The following GDAP1 variants were observed in gnomAD, a reference collection of about 807,000 sequenced individuals.
The protein encoded by GDAP1 is ganglioside-induced differentiation-associated protein 1.
A neutral mutation model predicts 40.1 loss-of-function variants in GDAP1; 34 were observed. That is an observed-to-expected ratio of 0.85 (90% CI 0.64 to 1.13). The LOEUF (loss-of-function observed/expected upper bound fraction) is 1.13, where lower values mean the gene tolerates loss of function less well. GDAP1 is among the 50% of genes most tolerant of loss of function. The probability of loss-of-function intolerance (pLI) is 0.00; values close to 1 mark genes in which losing one functional copy is unlikely to be tolerated. For synonymous variants in GDAP1, 170 were observed against 157.4 expected (o/e 1.08, Z -0.60); for missense variants, 374 against 433.7 (o/e 0.86, Z 1.22).
chr8:74,382,060 T>C (rs12548680), intron 2 of GDAP1, among the ~76,000 whole-genome samples: 55,206 of 151,816 alleles, frequency 0.36, 10,485 homozygotes, highest in Middle Eastern at 0.46. Context: ...CTAGTATCCT[T>C]CAAAGATGAC....
chr8:74,421,740 C>T (rs1214625098), intron 2 of GDAP1, among the ~76,000 whole-genome samples: 2 of 152,148 alleles, frequency 1.3e-5, no homozygotes, highest in Admixed American at 6.6e-5. Context: ...TACAGCAGGG[C>T]GGTTGGTCCT....
chr8:74,383,681 C>T (rs569704052), intron 2 of GDAP1, among the ~76,000 whole-genome samples: 9 of 152,274 alleles, frequency 5.9e-5, no homozygotes, highest in African/African-American at 2.2e-4. Context: ...CATCCTCTGA[C>T]ATTAATGAGC....
At position 74,364,182 on chromosome 8, in the gene GDAP1, A is replaced by C. The variant is rs1470584902; in HGVS notation, c.892A>C (p.Asn298His). 2 of 1,614,030 alleles carry C rather than the reference A, an allele frequency of 1.2e-6. No individual in the cohort carries two copies. Among genetic ancestry groups the C allele is most frequent in the Non-Finnish European group, 1.7e-6 (2 of 1,179,998 alleles). The change falls in exon 6 of 6, where the codon AAT becomes CAT. Residue 298 changes from asparagine to histidine, a missense_variant. By Grantham distance (68) the Asn-to-His change is moderately conservative. Transcript: ENST00000220822. ...TFNKVLGHVN[N>H]ILISAVLPTA... The stretch of plus-strand genomic sequence containing the variant: ...TAACAAGGTTTTAGGACATGTCAAC[A>C]ATATATTAATCTCTGCAGTGCTGCC...
At chr8:74,427,118 C>CT (rs1324607332) in intron 2 of GDAP1, among the ~76,000 whole-genome samples, 1 of 152,174 alleles carries the variant, frequency 6.6e-6, no homozygotes, top group African/African-American at 2.4e-5. Flanking sequence ...GTACAAAAGG[C>CT]TTTTTCCTCC....
At chr8:74,433,630 G>A (rs1321790818) in intron 2 of GDAP1, among the ~76,000 whole-genome samples, 1 of 152,042 alleles carries the variant, frequency 6.6e-6, no homozygotes, top group African/African-American at 2.4e-5. Flanking sequence ...ATTGGGAATT[G>A]CCTATGGTTC....
chr8:74,471,039 T>TA (rs1347705603), intron 2 of GDAP1, among the ~76,000 whole-genome samples: 2 of 152,260 alleles, frequency 1.3e-5, no homozygotes. Context: ...TTTGGCTGCA[T>TA]AAATGTCTTC....
At chr8:74,384,519 T>C (rs1270316992) in intron 2 of GDAP1, among the ~76,000 whole-genome samples, 1 of 152,206 alleles carries the variant, frequency 6.6e-6, no homozygotes, top group Non-Finnish European at 1.5e-5. Flanking sequence ...ACATTCAGTC[T>C]CTTGTTTCTA....
intron 2 of GDAP1, among the ~76,000 whole-genome samples, chr8:74,424,594 T>C (rs1805924278): frequency 6.6e-6 from 1 of 152,200 alleles, no homozygotes; most frequent in Non-Finnish European, 1.5e-5. Flanking sequence ...ATGTAATATT[T>C]TGTAAAGGGG....
At chr8:74,477,671 C>G (rs1340593927) in intron 2 of GDAP1, among the ~76,000 whole-genome samples, 1 of 152,070 alleles carries the variant, frequency 6.6e-6, no homozygotes. Flanking sequence ...TGGAGGGGCC[C>G]AGGTACTCCC....
intron 2 of GDAP1, among the ~76,000 whole-genome samples, chr8:74,383,480 A>G (rs910991965): frequency 1.3e-5 from 2 of 152,208 alleles, no homozygotes; most frequent in African/African-American, 4.8e-5. Flanking sequence ...TGAGTAGTAG[A>G]ACTGATTTCA....
chr8:74,446,650 T>C (rs1056397849), intron 2 of GDAP1, among the ~76,000 whole-genome samples: 1 of 152,202 alleles, frequency 6.6e-6, no homozygotes, highest in Non-Finnish European at 1.5e-5. Flanking sequence ...AAGCTAGTGT[T>C]TATTGATCAA....
rs201247146 is a variant in GDAP1 at position 74,417,682 on chromosome 8, A to C, written c.165+66361A>C. Among the ~76,000 whole-genome samples the C allele has an allele frequency of 2.1e-5, 3 of 142,556 alleles. No homozygotes were observed. In the East Asian group the frequency reaches 6.3e-4, roughly 30 times the overall value. The allele number at this position is 142,556 out of a possible 152,430, so 93.5% of individuals were successfully genotyped here. A position where few individuals can be genotyped will look rare whatever the true frequency, so the allele number is the denominator to read the frequency against. ...CAAGGCAGGAGAATTGCTTCAACCC[A>C]GGAGGCGGAGGTTGCAGTGAGCTGA... On this transcript the variant is annotated intron_variant, in intron 2 of 2. Coordinates refer to the GDAP1 transcript ENST00000523640.
chr8:74,383,342 G>A (rs1470416008), intron 2 of GDAP1, among the ~76,000 whole-genome samples: 2 of 152,162 alleles, frequency 1.3e-5, no homozygotes, highest in African/African-American at 4.8e-5. Context: ...AAACCAGATG[G>A]TATTGGCTTT....
In GDAP1 at chr8:74,350,496, C is replaced by A; in HGVS notation, c.35C>A (p.Pro12Gln). ...AGGCAGGAAGAGCAGAGAGGGAGCC[C>A]GCCCTTGAGGGCGGAAGGCAAGGCC... ...AERQEEQRGS[P>Q]PLRAEGKADA... Residue 12 changes from proline to glutamine, a missense_variant, in exon 1 of 6, where the codon CCG becomes CAG. Pro to Gln is a moderately conservative substitution (Grantham distance 76). Transcript: ENST00000220822. 3 of 1,613,222 alleles carry A rather than the reference C, an allele frequency of 1.9e-6. No individual in the cohort carries two copies. The highest frequency in any genetic ancestry group is 2.2e-5 in the East Asian group (1 of 44,860).
intron 2 of GDAP1, among the ~76,000 whole-genome samples, chr8:74,450,600 C>A (rs187245572): frequency 6.6e-6 from 1 of 151,862 alleles, no homozygotes; most frequent in East Asian, 1.9e-4. Flanking sequence ...TTGATGTAAC[C>A]ACTTCAGTTT....
intron 2 of GDAP1, among the ~76,000 whole-genome samples, chr8:74,471,441 T>G (rs1282000523): frequency 1.6e-5 from 1 of 61,038 alleles, no homozygotes; most frequent in African/African-American, 1.1e-4. Context: ...TCAGAGTAAA[T>G]TTTCCTTTTT....
At chr8:74,387,010 T>C (rs1810035710) in intron 2 of GDAP1, among the ~76,000 whole-genome samples, 1 of 152,228 alleles carries the variant, frequency 6.6e-6, no homozygotes, top group Non-Finnish European at 1.5e-5. Context: ...GGAATGCTTG[T>C]GATTTTTGCT....
chr8:74,387,253 T>C (rs1280471322), intron 2 of GDAP1, among the ~76,000 whole-genome samples: 1 of 152,248 alleles, frequency 6.6e-6, no homozygotes, highest in African/African-American at 2.4e-5. Context: ...ATCCTTGTCT[T>C]GTGCCGGTTT....
chr8:74,409,860 C>T (rs967961286), intron 2 of GDAP1, among the ~76,000 whole-genome samples: 2 of 149,936 alleles, frequency 1.3e-5, no homozygotes. Flanking sequence ...CATTTCCTCC[C>T]TGCTATATAG....
Sources: gnomAD v4.1 joint callset for allele counts (sites outside exome capture counted in the v4.1 genomes callset) on GRCh38, gnomAD v4.1.1 for gene constraint, MANE v1.5 for transcripts, NCBI Gene and HGNC (gene_info 2026-07-23, HGNC 2026-07-21) for gene names.